RNLS: variants seen among roughly 807,000 people sequenced by gnomAD.
RNLS encodes renalase, FAD dependent amine oxidase, also known as renalase.
A neutral mutation model predicts 39.8 loss-of-function variants in RNLS; 39 were observed. The ratio of observed to expected loss-of-function variants is 0.98; its 90% CI spans 0.76 to 1.28. The LOEUF is 1.28. RNLS is among the 50% of genes most tolerant of loss of function. The probability of loss-of-function intolerance (pLI) is 0.00; values close to 1 mark genes in which losing one functional copy is unlikely to be tolerated. For missense variants in RNLS, 410 were observed against 413.3 expected (o/e 0.99, Z 0.07); for synonymous variants, 147 against 150.7 (o/e 0.98, Z 0.18).
At chr10:88,532,144 C>T (rs1468841883) in intron 4 of RNLS, among the ~76,000 whole-genome samples, 3 of 152,012 alleles carry the variant, frequency 2.0e-5, no homozygotes, top group African/African-American at 7.2e-5. Context: ...TTCATGTTTA[C>T]GACAGCCTTT....
In RNLS at chr10:88,563,631, G is replaced by C. The variant is rs113269502; in HGVS notation, c.526+9272C>G. Among the ~76,000 whole-genome samples, 470 of 152,284 alleles carry C rather than the reference G, an allele frequency of 3.1e-3. 4 individuals carry two copies. The highest frequency in any genetic ancestry group is 0.011 in the African/African-American group (453 of 41,562). ...GTAGCCAGAGGTTGGAAAGAACAGA[G>C]TGACAGGAGGATGTGAGAAGCTTTG... is the stretch of plus-strand genomic sequence containing the variant. On this transcript the variant is annotated intron_variant, in intron 4 of 6. Transcript: ENST00000331772.
intron 4 of RNLS, among the ~76,000 whole-genome samples, chr10:88,402,082 A>G (rs1369859469): frequency 6.6e-6 from 1 of 151,976 alleles, no homozygotes; most frequent in Admixed American, 6.6e-5. Flanking sequence ...CAGGGAAAGC[A>G]CATTTCAAAG....
At chr10:88,561,208 A>G (rs1260243009) in intron 4 of RNLS, among the ~76,000 whole-genome samples, 1 of 152,190 alleles carries the variant, frequency 6.6e-6, no homozygotes, top group Non-Finnish European at 1.5e-5. Flanking sequence ...CTAGATAGAC[A>G]TGGAGTTCAA....
intron 6 of RNLS, among the ~76,000 whole-genome samples, chr10:88,287,292 A>T (rs1222182464): frequency 1.3e-5 from 2 of 152,178 alleles, no homozygotes; most frequent in Non-Finnish European, 2.9e-5. Flanking sequence ...GGTCTCTTAC[A>T]GCAACATCAT....
At chr10:88,417,100 G>A (rs1854076897) in intron 4 of RNLS, among the ~76,000 whole-genome samples, 1 of 152,212 alleles carries the variant, frequency 6.6e-6, no homozygotes, top group Admixed American at 6.5e-5. Flanking sequence ...TTTATGATAT[G>A]TTTGGAAAGG....
chr10:88,220,977 AG>A, the RNLS span, among the ~76,000 whole-genome samples: 1 of 152,216 alleles, frequency 6.6e-6, no homozygotes, highest in Non-Finnish European at 1.5e-5. Context: ...AGGTCGTCTA[AG>A]TGCCTAATCC....
intron 4 of RNLS, among the ~76,000 whole-genome samples, chr10:88,397,127 A>G (rs1364358982): frequency 6.6e-6 from 1 of 152,138 alleles, no homozygotes; most frequent in Middle Eastern, 3.4e-3. Context: ...CCTGACATGC[A>G]TATACAAAAT....
At chr10:88,529,552 T>A (rs1463716605) in intron 4 of RNLS, among the ~76,000 whole-genome samples, 1 of 152,210 alleles carries the variant, frequency 6.6e-6, no homozygotes, top group Non-Finnish European at 1.5e-5. Context: ...TGATTGTATA[T>A]GTGTGTAATG....
the RNLS span, among the ~76,000 whole-genome samples, chr10:88,173,209 C>G: frequency 6.6e-6 from 1 of 152,058 alleles, no homozygotes; most frequent in Non-Finnish European, 1.5e-5. Flanking sequence ...CACTGATACC[C>G]AGTTTTTCCA....
chr10:88,208,009 C>T, the RNLS span, among the ~76,000 whole-genome samples: 1 of 152,176 alleles, frequency 6.6e-6, no homozygotes, highest in African/African-American at 2.4e-5. Context: ...GCCGACACAG[C>T]CCCTTCCTTT....
intron 4 of RNLS, among the ~76,000 whole-genome samples, chr10:88,494,099 C>T (rs1348252341): frequency 6.6e-6 from 1 of 152,112 alleles, no homozygotes; most frequent in Admixed American, 6.6e-5. Context: ...TCTGTTAAAA[C>T]ACATGCATTC....
intron 4 of RNLS, among the ~76,000 whole-genome samples, chr10:88,434,623 T>C (rs1429688769): frequency 6.6e-6 from 1 of 152,160 alleles, no homozygotes; most frequent in Non-Finnish European, 1.5e-5. Flanking sequence ...GGTAATACTG[T>C]GTGGATAAAA....
At chr10:88,413,465 C>G (rs1007858292) in intron 4 of RNLS, among the ~76,000 whole-genome samples, 2 of 152,178 alleles carry the variant, frequency 1.3e-5, no homozygotes, top group Admixed American at 1.3e-4. Context: ...GCTAAGTCTA[C>G]TTTTAAGGAT....
At chr10:88,449,745 T>C (rs1564808733) in intron 4 of RNLS, among the ~76,000 whole-genome samples, 2 of 152,270 alleles carry the variant, frequency 1.3e-5, no homozygotes, top group Non-Finnish European at 2.9e-5. Context: ...TGCAAGGCCA[T>C]ATAATTAAAA....
the RNLS span, among the ~76,000 whole-genome samples, chr10:88,250,467 C>T: frequency 6.6e-6 from 1 of 152,104 alleles, no homozygotes; most frequent in African/African-American, 2.4e-5. Flanking sequence ...ATGAAGCAGA[C>T]AGGTATAGAG....
the RNLS span, among the ~76,000 whole-genome samples, chr10:88,200,149 C>T: frequency 6.6e-6 from 1 of 152,160 alleles, no homozygotes; most frequent in Non-Finnish European, 1.5e-5. Flanking sequence ...TAAGTAAACT[C>T]TTCCCTTCCC....
chr10:88,519,992 C>A (rs1485984072), intron 4 of RNLS, among the ~76,000 whole-genome samples: 1 of 151,908 alleles, frequency 6.6e-6, no homozygotes, highest in African/African-American at 2.4e-5. Context: ...GGCCAGTGAA[C>A]CTGAGTCCCC....
the RNLS span, among the ~76,000 whole-genome samples, chr10:88,206,176 G>A: frequency 6.6e-6 from 1 of 152,194 alleles, no homozygotes; most frequent in Non-Finnish European, 1.5e-5. Context: ...CCTGTGGACT[G>A]CAACATTCTG....
At chr10:88,386,515 G>A (rs756137836) in intron 4 of RNLS, among the ~76,000 whole-genome samples, 2 of 152,282 alleles carry the variant, frequency 1.3e-5, no homozygotes, top group Admixed American at 6.5e-5. Context: ...GGTTTCAAAG[G>A]TTATGAGAAA....
Sources: gnomAD v4.1 joint callset for allele counts (sites outside exome capture counted in the v4.1 genomes callset) on GRCh38, gnomAD v4.1.1 for gene constraint, MANE v1.5 for transcripts, NCBI Gene and HGNC (gene_info 2026-07-23, HGNC 2026-07-21) for gene names.